The following EDN1 variants were observed in gnomAD, a reference collection of about 807,000 sequenced individuals.
The protein encoded by EDN1 is endothelin 1.
Under a neutral mutation model 21.7 loss-of-function variants are expected in EDN1, and 11 were observed. The ratio of observed to expected loss-of-function variants is 0.51; its 90% confidence interval spans 0.32 to 0.84. EDN1 has a LOEUF of 0.84. EDN1 is among the 40% of genes least tolerant of loss of function. The pLI is 0.03. For missense variants in EDN1, 244 were observed against 262.3 expected (o/e 0.93, Z 0.48); for synonymous variants, 85 against 90.6 (o/e 0.94, Z 0.35).
chr6:12,243,702 G>A, the EDN1 span, among the ~76,000 whole-genome samples: 2 of 152,170 alleles, frequency 1.3e-5, no homozygotes, highest in Non-Finnish European at 2.9e-5. Context: ...CTTGAAGGCA[G>A]ATTACATTTC....
the EDN1 span, among the ~76,000 whole-genome samples, chr6:12,273,022 T>C: frequency 6.6e-6 from 1 of 152,130 alleles, no homozygotes; most frequent in Non-Finnish European, 1.5e-5. Context: ...GTCCCTCTTC[T>C]CCAAAATCTC....
chr6:12,259,823 C>T, the EDN1 span, among the ~76,000 whole-genome samples: 1 of 151,992 alleles, frequency 6.6e-6, no homozygotes, highest in South Asian at 2.1e-4. Context: ...AGAACCTCCT[C>T]TCTTTCATCT....
chr6:12,273,896 G>T, the EDN1 span, among the ~76,000 whole-genome samples: 9 of 152,264 alleles, frequency 5.9e-5, no homozygotes, highest in South Asian at 1.7e-3. Flanking sequence ...GGACATTTGA[G>T]GAGGTCATAC....
At chr6:12,252,445 A>G in the EDN1 span, among the ~76,000 whole-genome samples, 7 of 152,218 alleles carry the variant, frequency 4.6e-5, no homozygotes, top group African/African-American at 1.7e-4. Context: ...GTCCCTTGCC[A>G]TGTTAACTGT....
chr6:12,295,970 C>A lies in EDN1; in HGVS notation c.542C>A (p.Thr181Asn), dbSNP rs1184921074. 19 of 1,613,786 alleles carry A rather than the reference C, an allele frequency of 1.2e-5. No individual in the cohort carries two copies. The highest frequency in any genetic ancestry group is 1.6e-5 in the Non-Finnish European group (19 of 1,179,910). The change falls in exon 5 of 5, where the codon ACC becomes AAC. Residue 181 changes from threonine to asparagine, a missense_variant. Coordinates refer to ENST00000379375, the MANE Select transcript of EDN1 (RefSeq NM_001955.5). The stretch of plus-strand genomic sequence containing the variant: ...TTATCTTGCTTTATTAGGTCGGAGA[C>A]CATGAGAAACAGCGTCAAATCATCT... ...EEHLRQTRSE[T>N]MRNSVKSSFH...
At chr6:12,272,137 A>G in the EDN1 span, among the ~76,000 whole-genome samples, 1 of 152,214 alleles carries the variant, frequency 6.6e-6, no homozygotes, top group Non-Finnish European at 1.5e-5. Context: ...AGGCTACCAT[A>G]ATGTAAGGTT....
chr6:12,271,839 A>G, the EDN1 span, among the ~76,000 whole-genome samples: 1 of 152,250 alleles, frequency 6.6e-6, no homozygotes, highest in Non-Finnish European at 1.5e-5. Context: ...TTTCCTGAGC[A>G]TAATATTATA....
Position 12,294,284 on chromosome 6 carries a change from A to G in EDN1, c.413A>G (p.Asp138Gly). The change falls in exon 4 of 5, where the codon GAC (aspartate) becomes GGC (glycine). Residue 138 changes from aspartate to glycine, a missense_variant. By Grantham distance (94) the Asp-to-Gly change is moderately conservative (BLOSUM62 -1). Transcript: ENST00000379375. ...ELRAEDIMEK[D>G]WNNHKKGKDC... ...AGGGCTGAAGACATTATGGAGAAAGACTGGAATAATCATAAGAAAGGAAAA... is the reference window on the plus strand; with the variant it reads ...AGGGCTGAAGACATTATGGAGAAAGGCTGGAATAATCATAAGAAAGGAAAA... The G allele has an allele frequency of 6.2e-7, 1 of 1,614,214 alleles. No individual in the cohort carries two copies. The highest frequency in any genetic ancestry group is 1.1e-5 in the South Asian group (1 of 91,078).
chr6:12,230,547 C>G, the EDN1 span, among the ~76,000 whole-genome samples: 1 of 152,094 alleles, frequency 6.6e-6, no homozygotes, highest in African/African-American at 2.4e-5. Flanking sequence ...CCATTTTGAA[C>G]AGTGAAACCA....
the EDN1 span, among the ~76,000 whole-genome samples, chr6:12,270,378 C>T: frequency 6.6e-6 from 1 of 151,766 alleles, no homozygotes; most frequent in African/African-American, 2.4e-5. Flanking sequence ...AGGTTTTTAT[C>T]TGAGATTTTT....
At position 12,295,984 on chromosome 6, in the gene EDN1, G is replaced by C; in HGVS notation, c.556G>C (p.Val186Leu). The C allele has an allele frequency of 6.2e-7, 1 of 1,614,006 alleles. No homozygotes were observed. The highest frequency in any genetic ancestry group is 8.5e-7 in the Non-Finnish European group (1 of 1,179,962). Residue 186 changes from valine to leucine, a missense_variant, in exon 5 of 5, where the codon GTC (valine) becomes CTC (leucine). Transcript: ENST00000379375. ...QTRSETMRNS[V>L]KSSFHDPKLK... ...TAGGTCGGAGACCATGAGAAACAGC[G>C]TCAAATCATCTTTTCATGATCCCAA...
At chr6:12,258,356 G>A in the EDN1 span, among the ~76,000 whole-genome samples, 1 of 148,192 alleles carries the variant, frequency 6.7e-6, no homozygotes, top group Non-Finnish European at 1.5e-5. Flanking sequence ...GACTGAGCAG[G>A]GAGGATGGCT....
At chr6:12,280,055 C>T in the EDN1 span, among the ~76,000 whole-genome samples, 2 of 151,676 alleles carry the variant, frequency 1.3e-5, no homozygotes, top group Non-Finnish European at 2.9e-5. Flanking sequence ...AAAAAAAATA[C>T]ATAAATAATG....
chr6:12,276,192 C>A, the EDN1 span, among the ~76,000 whole-genome samples: 4 of 140,090 alleles, frequency 2.9e-5, no homozygotes, highest in African/African-American at 1.0e-4. Flanking sequence ...AAAAAAGAAT[C>A]CTAACACACA....
chr6:12,252,442 G>C, the EDN1 span, among the ~76,000 whole-genome samples: 37 of 152,292 alleles, frequency 2.4e-4, no homozygotes, highest in Admixed American at 2.0e-3. Context: ...TCTGTCCCTT[G>C]CCATGTTAAC....
chr6:12,252,732 C>G, the EDN1 span, among the ~76,000 whole-genome samples: 1 of 152,058 alleles, frequency 6.6e-6, no homozygotes, highest in Admixed American at 6.6e-5. Flanking sequence ...TCATTTATGT[C>G]TTTTTTTTCA....
the EDN1 span, among the ~76,000 whole-genome samples, chr6:12,275,008 T>TC: frequency 1.9e-5 from 2 of 107,740 alleles, no homozygotes; most frequent in Non-Finnish European, 4.1e-5. Context: ...CTCCCTCCCT[T>TC]CCTTCCTTCC....
the EDN1 span, among the ~76,000 whole-genome samples, chr6:12,282,155 C>G: frequency 6.6e-6 from 1 of 152,108 alleles, no homozygotes; most frequent in Non-Finnish European, 1.5e-5. Context: ...GGATCCAAGT[C>G]ATAACAAAGT....
upstream of EDN1, among the ~76,000 whole-genome samples, chr6:12,287,136 A>G (rs1009108848): frequency 1.9e-3 from 15 of 7,982 alleles, no homozygotes; most frequent in African/African-American, 9.7e-3. Flanking sequence ...TAAAATTGAG[A>G]AAAAAAAAAA....
Sources: gnomAD v4.1 joint callset for allele counts (sites outside exome capture counted in the v4.1 genomes callset) on GRCh38, gnomAD v4.1.1 for gene constraint, MANE v1.5 for transcripts, NCBI Gene and HGNC (gene_info 2026-07-23, HGNC 2026-07-21) for gene names.